MORN5: variants seen among roughly 807,000 people sequenced by gnomAD.
The protein encoded by MORN5 is MORN repeat-containing protein 5.
Under a neutral mutation model 22.1 loss-of-function variants are expected in MORN5, and 21 were observed. The ratio of observed to expected loss-of-function variants is 0.95; its 90% CI spans 0.67 to 1.37. The LOEUF is 1.37. Ranked by LOEUF, MORN5 falls within the 40% of genes most tolerant of loss-of-function variation. The pLI is 0.00. For synonymous variants in MORN5, 73 were observed against 74.0 expected, an observed-to-expected ratio of 0.99 and a Z score of 0.07; for missense variants, 211 against 215.1, an observed-to-expected ratio of 0.98 and a Z score of 0.12.
chr9:122,193,327 C>G (rs940263046), intron 4 of MORN5, among the ~76,000 whole-genome samples: 3 of 152,240 alleles, frequency 2.0e-5, no homozygotes, highest in South Asian at 4.1e-4. Flanking sequence ...TGGCTCACAC[C>G]TATAATCCCA....
chr9:122,189,519 C>A (rs1259811744), intron 4 of MORN5, among the ~76,000 whole-genome samples: 1 of 152,164 alleles, frequency 6.6e-6, no homozygotes, highest in African/African-American at 2.4e-5. Context: ...TCTCTTGAAC[C>A]CAGGAGTTCA....
At chr9:122,198,089 G>A (rs1266034234) in intron 4 of MORN5, among the ~76,000 whole-genome samples, 1 of 152,174 alleles carries the variant, frequency 6.6e-6, no homozygotes, top group Non-Finnish European at 1.5e-5. Flanking sequence ...GCAGAGCCTG[G>A]TGAACCTTGG....
chr9:122,184,511 A>C (rs1404053535), intron 4 of MORN5, among the ~76,000 whole-genome samples: 1 of 152,228 alleles, frequency 6.6e-6, no homozygotes, highest in Non-Finnish European at 1.5e-5. Flanking sequence ...GTTTATTCTT[A>C]CTACAGAATA....
intron 4 of MORN5, among the ~76,000 whole-genome samples, chr9:122,180,282 CTT>C (rs938997436): frequency 3.7e-5 from 4 of 107,498 alleles, no homozygotes; most frequent in East Asian, 2.4e-4. Flanking sequence ...ACATTTTCTT[CTT>C]TTTTTTTTTT....
At chr9:122,167,056 C>A in intron 2 of MORN5, 141 bp downstream of exon 2, 2 of 445,886 alleles carry the variant, frequency 4.5e-6, no homozygotes, top group Non-Finnish European at 7.3e-6. Flanking sequence ...ACTCCCCCCA[C>A]TTTTTTTTTT....
chr9:122,174,092 G>A (rs572660469), intron 3 of MORN5, among the ~76,000 whole-genome samples: 2 of 152,286 alleles, frequency 1.3e-5, no homozygotes, highest in East Asian at 3.9e-4. Flanking sequence ...TGGGGCTTAA[G>A]GATCCATGCC....
At chr9:122,168,729 A>G (rs1464755702) in intron 2 of MORN5, among the ~76,000 whole-genome samples, 1 of 152,230 alleles carries the variant, frequency 6.6e-6, no homozygotes, top group Non-Finnish European at 1.5e-5. Context: ...TATAATAATA[A>G]TAAAAGAATA....
intron 4 of MORN5, among the ~76,000 whole-genome samples, chr9:122,184,301 A>G (rs16911543): frequency 0.032 from 4,948 of 152,280 alleles, 256 homozygotes; most frequent in African/African-American, 0.11. Context: ...TGAAAAAGGC[A>G]TGGGTGAAAA....
In MORN5 at chr9:122,197,559, G is replaced by T. The variant is rs1292055216; in HGVS notation, c.440-2326G>T. ...AGGGGTTGGTGAGCAGCTGCTGGGA[G>T]GGGAGGCATCTGTGATTCAAATTGG... On this transcript the variant is annotated intron_variant, in intron 4 of 4. Coordinates refer to ENST00000373764, the MANE Select transcript of MORN5 (RefSeq NM_198469.4). The surrounding 1 kb of genome is among the most constrained non-coding windows in gnomAD (Gnocchi z 5.7). 1.3e-5 allele frequency among the ~76,000 whole-genome samples: 2 copies of T among 152,200 alleles called. No homozygotes were observed. The highest frequency in any genetic ancestry group is 2.9e-5 in the Non-Finnish European group (2 of 68,030).
chr9:122,167,515 G>A lies in MORN5; in HGVS notation c.195+600G>A, dbSNP rs182752123. Among the ~76,000 whole-genome samples the A allele has an allele frequency of 3.6e-4, 54 of 151,950 alleles. 1 individual carries two copies. The highest frequency in any genetic ancestry group is 8.8e-5 in the Non-Finnish European group (6 of 67,960). ...TTACAGGTATGTGCCACCATGCCCG[G>A]CTAATTTCTCCCTGCTTCTGGATCT... is the stretch of plus-strand genomic sequence containing the variant. On this transcript the variant is annotated intron_variant, in intron 2 of 4. Coordinates refer to ENST00000373764, the MANE Select transcript of MORN5 (RefSeq NM_198469.4).
chr9:122,195,938 G>A (rs1263735639), intron 4 of MORN5, among the ~76,000 whole-genome samples: 1 of 137,670 alleles, frequency 7.3e-6, no homozygotes, highest in Non-Finnish European at 1.6e-5. Flanking sequence ...AACCCTGTTG[G>A]TATTTCTAGG....
intron 2 of MORN5, 22 bp from the exon 3 acceptor site, chr9:122,169,623 G>T: frequency 6.4e-7 from 1 of 1,558,716 alleles, no homozygotes; most frequent in Admixed American, 1.7e-5. Flanking sequence ...TCAGATGCAC[G>T]TGTGTGCTCC....
chr9:122,185,324 G>A (rs1484068281), intron 4 of MORN5, among the ~76,000 whole-genome samples: 7 of 152,034 alleles, frequency 4.6e-5, no homozygotes, highest in Non-Finnish European at 1.0e-4. Flanking sequence ...CCGGGTTCAC[G>A]CCATTCTCCT....
chr9:122,180,265 A>T (rs7856367), intron 4 of MORN5, among the ~76,000 whole-genome samples: 70,478 of 148,120 alleles, frequency 0.48, 17,454 homozygotes, highest in African/African-American at 0.53. Flanking sequence ...ACATGCAACA[A>T]TCTATGACAT....
chr9:122,167,188 C>T (rs1395246195), intron 2 of MORN5, among the ~76,000 whole-genome samples: 7 of 151,024 alleles, frequency 4.6e-5, no homozygotes, highest in South Asian at 4.2e-4. Flanking sequence ...GCTGGGACTA[C>T]GGGCGTGCAC....
At chr9:122,166,229 T>C (rs2118740995) in intron 1 of MORN5, among the ~76,000 whole-genome samples, 1 of 151,824 alleles carries the variant, frequency 6.6e-6, no homozygotes, top group South Asian at 2.1e-4. Context: ...GAGCTACAAT[T>C]CCCGATGAGA....
At chr9:122,161,766 C>T (rs12005121) in intron 1 of MORN5, among the ~76,000 whole-genome samples, 48,843 of 152,100 alleles carry the variant, frequency 0.32, 9,620 homozygotes, top group Middle Eastern at 0.46. Flanking sequence ...AGGTAAAAGA[C>T]GGAAGGCTTT....
At chr9:122,174,433 T>C in intron 3 of MORN5, 63 bp from the exon 4 acceptor site, 1 of 1,588,234 alleles carries the variant, frequency 6.3e-7, no homozygotes, top group Non-Finnish European at 8.6e-7. Flanking sequence ...GTGGACCTTA[T>C]GGGAACACTG....
chr9:122,199,999 G>T lies in MORN5; in HGVS notation c.*68G>T, dbSNP rs2150100. 7.9e-6 allele frequency: 12 copies of T among 1,524,182 alleles called. No homozygotes were observed. The highest frequency in any genetic ancestry group is 1.1e-5 in the Non-Finnish European group (12 of 1,098,488). 94.4% of individuals were successfully genotyped at this position (1,524,182 alleles called of 1,614,324 possible). On this transcript the variant is annotated 3_prime_UTR_variant, in exon 5 of 5. Transcript: ENST00000373764. ...CTGCCTCCACCAGAGGTTTCCATCT[G>T]CCCTACTAGCATTGGCTGCCCTGGG...
Sources: allele counts gnomAD v4.1 joint callset (sites outside exome capture counted in the v4.1 genomes callset), GRCh38; gene constraint gnomAD v4.1.1; non-coding constraint Gnocchi (gnomAD v3.1); transcripts MANE v1.5; gene names NCBI Gene and HGNC (gene_info 2026-07-23, HGNC 2026-07-21).